GRIK4: variants seen among roughly 807,000 people sequenced by gnomAD.
The protein encoded by GRIK4 is glutamate ionotropic receptor kainate type subunit 4.
A neutral mutation model predicts 104.9 loss-of-function variants in GRIK4; 40 were observed. The observed-to-expected ratio is 0.38, with a 90% CI of 0.30 to 0.50. The LOEUF (loss-of-function observed/expected upper bound fraction) is 0.50, where lower values mean the gene tolerates loss of function less well. Ranked by LOEUF, GRIK4 falls within the 20% of genes least tolerant of loss-of-function variation. The probability of loss-of-function intolerance (pLI) is 0.93; values close to 1 mark genes in which losing one functional copy is unlikely to be tolerated. For missense variants in GRIK4, 1,047 were observed against 1,308.1 expected, an observed-to-expected ratio of 0.80 and a Z score of 3.08; for synonymous variants, 485 against 524.9, an observed-to-expected ratio of 0.92 and a Z score of 1.04.
intron 3 of GRIK4, among the ~76,000 whole-genome samples, chr11:120,771,796 G>A (rs559117570): frequency 1.3e-5 from 2 of 152,318 alleles, no homozygotes; most frequent in Admixed American, 6.5e-5. Flanking sequence ...AGGTATGTGG[G>A]GGCATAGCTG....
At chr11:120,824,402 G>A (rs1270002870) in intron 6 of GRIK4, among the ~76,000 whole-genome samples, 1 of 152,150 alleles carries the variant, frequency 6.6e-6, no homozygotes, top group Non-Finnish European at 1.5e-5. Context: ...GGTGCCCAGG[G>A]CCTGTTGGTC....
intron 3 of GRIK4, among the ~76,000 whole-genome samples, chr11:120,717,311 TG>T (rs1950852129): frequency 6.6e-6 from 1 of 152,224 alleles, no homozygotes; most frequent in Non-Finnish European, 1.5e-5. Context: ...GGGCAGCTGC[TG>T]TGGGGCATCC....
chr11:120,804,833 A>G (rs888229138), intron 4 of GRIK4, among the ~76,000 whole-genome samples: 4 of 152,184 alleles, frequency 2.6e-5, no homozygotes, highest in Non-Finnish European at 5.9e-5. Context: ...GGTGTTGGCC[A>G]GGCTGCCTAA....
chr11:120,876,207 C>T (rs1253897215), intron 11 of GRIK4, among the ~76,000 whole-genome samples: 1 of 147,524 alleles, frequency 6.8e-6, no homozygotes, highest in East Asian at 2.0e-4. Flanking sequence ...CAACCACCAC[C>T]ATCATCATCA....
intron 3 of GRIK4, among the ~76,000 whole-genome samples, chr11:120,779,606 A>G (rs1328931605): frequency 6.6e-6 from 1 of 152,186 alleles, no homozygotes; most frequent in East Asian, 1.9e-4. Flanking sequence ...AAATTGGTCA[A>G]GTGATTTAAG....
intron 19 of GRIK4, among the ~76,000 whole-genome samples, chr11:120,970,070 T>A (rs1230437355): frequency 2.6e-5 from 4 of 152,122 alleles, no homozygotes; most frequent in Non-Finnish European, 5.9e-5. Context: ...ACTCAGTGTT[T>A]GTGGGATGTG....
chr11:120,674,725 C>T (rs1016218289), intron 3 of GRIK4, among the ~76,000 whole-genome samples: 2 of 152,180 alleles, frequency 1.3e-5, no homozygotes, highest in Non-Finnish European at 2.9e-5. Flanking sequence ...GCTTTCAGCT[C>T]CCAGATGAAA....
chr11:120,761,239 A>T (rs113657829), intron 3 of GRIK4, among the ~76,000 whole-genome samples: 4,655 of 152,240 alleles, frequency 0.031, 192 homozygotes, highest in African/African-American at 0.089. Context: ...GGCCACATAA[A>T]TGTCTTCTTT....
chr11:120,965,177 C>G (rs1023122153), intron 18 of GRIK4, among the ~76,000 whole-genome samples: 1 of 152,172 alleles, frequency 6.6e-6, no homozygotes, highest in Non-Finnish European at 1.5e-5. Context: ...GAACAAGGAA[C>G]AAGATGGAAA....
chr11:120,721,000 TTCATTCATTCA>T (rs1346680503), intron 3 of GRIK4, among the ~76,000 whole-genome samples: 1 of 152,068 alleles, frequency 6.6e-6, no homozygotes, highest in African/African-American at 2.4e-5. Flanking sequence ...CATTCATTCA[TTCATTCATTCA>T]TCATTCATTC....
chr11:120,690,168 A>G (rs1950335872), intron 3 of GRIK4, among the ~76,000 whole-genome samples: 1 of 152,208 alleles, frequency 6.6e-6, no homozygotes, highest in Admixed American at 6.5e-5. Context: ...TCGTCACTCC[A>G]GACCCTAAAT....
chr11:120,925,940 C>CT (rs750064804), intron 13 of GRIK4, among the ~76,000 whole-genome samples: 2 of 149,360 alleles, frequency 1.3e-5, no homozygotes, highest in East Asian at 2.0e-4. Flanking sequence ...CACCACTGTG[C>CT]TCCAGCCTGG....
intron 1 of GRIK4, among the ~76,000 whole-genome samples, chr11:120,538,835 C>T (rs1345839479): frequency 1.3e-5 from 2 of 152,218 alleles, no homozygotes; most frequent in African/African-American, 4.8e-5. Context: ...GCTGGGGGCT[C>T]AGGGCTCTAA....
chr11:120,809,271 C>A (rs1952778271), intron 4 of GRIK4, among the ~76,000 whole-genome samples: 1 of 152,186 alleles, frequency 6.6e-6, no homozygotes, highest in African/African-American at 2.4e-5. Context: ...CCACTACACC[C>A]CATCATGGCC....
chr11:120,566,126 A>G (rs1479672159), intron 1 of GRIK4, among the ~76,000 whole-genome samples: 2 of 152,222 alleles, frequency 1.3e-5, no homozygotes, highest in Non-Finnish European at 2.9e-5. Flanking sequence ...TTCTTTGCCT[A>G]TTACCCTAGG....
intron 14 of GRIK4, among the ~76,000 whole-genome samples, chr11:120,941,663 C>A (rs942737687): frequency 1.3e-5 from 2 of 152,144 alleles, no homozygotes; most frequent in African/African-American, 2.4e-5. Context: ...AATTTGAACA[C>A]AGACACATAG....
intron 1 of GRIK4, among the ~76,000 whole-genome samples, chr11:120,624,582 C>T (rs1415204224): frequency 2.0e-5 from 3 of 152,122 alleles, no homozygotes; most frequent in Non-Finnish European, 2.9e-5. Flanking sequence ...CAGCTGGCAC[C>T]GAGGGAAGAA....
chr11:120,549,277 AT>A lies in GRIK4; in HGVS notation c.-159+37399del, dbSNP rs34221592. Among the ~76,000 whole-genome samples the A allele has an allele frequency of 0.093, 14,088 of 150,890 alleles. 873 individuals are homozygous for A. The highest frequency in any genetic ancestry group is 0.31 in the East Asian group (1,567 of 5,112). ...CTACACCTGGCTAATTTTTGTATAT[AT>A]TTTTTTTTAAGTAAAGTCGGGCTTT... On this transcript the variant is annotated intron_variant, in intron 1 of 20. Transcript: ENST00000527524. This position sits in a 1 kb window ranked among gnomAD's most constrained non-coding sequence, Gnocchi z 4.7.
chr11:120,938,894 C>G (rs1943657192), intron 13 of GRIK4, among the ~76,000 whole-genome samples: 1 of 152,188 alleles, frequency 6.6e-6, no homozygotes, highest in African/African-American at 2.4e-5. Context: ...TCCAGGAAGT[C>G]TGGGATGAGA....
Sources: gnomAD v4.1 joint callset for allele counts (sites outside exome capture counted in the v4.1 genomes callset) on GRCh38, gnomAD v4.1.1 for gene constraint, Gnocchi (gnomAD v3.1) non-coding constraint, MANE v1.5 for transcripts, NCBI Gene and HGNC (gene_info 2026-07-23, HGNC 2026-07-21) for gene names.